Variants in HYDIN observed in about 807,000 individuals in gnomAD.
HYDIN encodes HYDIN axonemal central pair apparatus protein, also known as axonemal central pair apparatus protein HYDIN.
Under a neutral mutation model 403.9 loss-of-function variants are expected in HYDIN, and 132 were observed. That is an observed-to-expected ratio of 0.33 (90% CI 0.28 to 0.38). The LOEUF (loss-of-function observed/expected upper bound fraction) is 0.38. HYDIN is among the 10% of genes least tolerant of loss of function. The pLI, the probability that HYDIN is intolerant of heterozygous loss-of-function variation, is 1.00. For synonymous variants in HYDIN, 1,202 were observed against 1,891.7 expected (o/e 0.64, Z 9.46); for missense variants, 2,827 against 5,009.5 (o/e 0.56, Z 13.15).
At chr16:71,163,146 A>G (rs1334740260) in intron 5 of HYDIN, among the ~76,000 whole-genome samples, 3 of 137,310 alleles carry the variant, frequency 2.2e-5, no homozygotes, top group African/African-American at 8.2e-5. Context: ...TTTTTGAGAC[A>G]GAGTCTCGCT....
At chr16:70,951,004 C>T (rs1388566614) in intron 41 of HYDIN, among the ~76,000 whole-genome samples, 2 of 152,084 alleles carry the variant, frequency 1.3e-5, no homozygotes, top group Non-Finnish European at 2.9e-5. Flanking sequence ...AGAGGCAGAG[C>T]CAGGAGGATC....
chr16:71,159,698 T>A (rs2085919836), intron 6 of HYDIN, among the ~76,000 whole-genome samples: 1 of 142,922 alleles, frequency 7.0e-6, no homozygotes. Flanking sequence ...GGAACAAAGA[T>A]AAGAATCACA....
intron 50 of HYDIN, among the ~76,000 whole-genome samples, chr16:70,905,913 C>T (rs549871704): frequency 6.6e-6 from 1 of 151,962 alleles, no homozygotes; most frequent in East Asian, 1.9e-4. Context: ...AAGATCTTCT[C>T]CATCATCAGC....
At position 70,892,513 on chromosome 16, in the gene HYDIN, C is replaced by A; in HGVS notation, c.9265G>T (p.Val3089Leu). The change falls in exon 56 of 86, where the codon GTA becomes TTA. Residue 3089 changes from valine (V) to leucine (L), a missense_variant. Val to Leu is a conservative substitution (Grantham distance 32). Coordinates refer to ENST00000393567, the MANE Select transcript of HYDIN (RefSeq NM_001270974.2). Reference protein sequence around the residue: ...EIAFSFSVDSVGISTPNINSM... With the variant: ...EIAFSFSVDSLGISTPNINSM... ...TTTATATTAGGTGTTGAAATCCCTA[C>A]AGAGTCCACGGAAAAGCTGAAAGAC... 6.2e-7 allele frequency: 1 copy of A among 1,602,594 alleles called. No homozygotes were observed. Among genetic ancestry groups the A allele is most frequent in the Non-Finnish European group, 8.5e-7 (1 of 1,175,664 alleles).
At position 71,027,596 on chromosome 16, in the gene HYDIN, C is replaced by T. The variant is rs377641303; in HGVS notation, c.3042+6G>A. 23 of 1,614,040 alleles carry T rather than the reference C, an allele frequency of 1.4e-5. No individual in the cohort carries two copies. The highest frequency in any genetic ancestry group is 1.7e-4 in the Middle Eastern group (1 of 6,060). On this transcript the variant is annotated splice_donor_region_variant and intron_variant, in intron 20 of 85. Transcript: ENST00000393567. The stretch of plus-strand genomic sequence containing the variant: ...ACAATAGCTTCCAAATGTGCTATCC[C>T]CTTACCCTGGGAGTAGCAGAATAGC...
At chr16:71,034,077 C>T (rs1336038419) in intron 18 of HYDIN, among the ~76,000 whole-genome samples, 1 of 151,394 alleles carries the variant, frequency 6.6e-6, no homozygotes, top group Non-Finnish European at 1.5e-5. Flanking sequence ...TCCCAGGAAG[C>T]TTCGTGAAGC....
rs1377878685 is a variant in HYDIN, at chr16:70,868,749, C to T, written c.11131G>A (p.Val3711Met). ...ATGGGTACATCTGACTTCATGGTCA[C>T]CACTATGTCCTTGGCACACCCAGGG... is the stretch of plus-strand genomic sequence containing the variant. ...LHPGCAKDIV[V>M]TMKSDVPINL... is the part of the protein sequence containing the mutation. The change falls in exon 66 of 86, where the codon GTG (valine) becomes ATG (methionine). Residue 3711 changes from valine to methionine, a missense_variant. Coordinates refer to ENST00000393567, the MANE Select transcript of HYDIN (RefSeq NM_001270974.2). 1.9e-6 allele frequency: 3 copies of T among 1,613,976 alleles called. No homozygotes were observed. The highest frequency in any genetic ancestry group is 2.2e-5 in the East Asian group (1 of 44,862).
At chr16:70,836,362 G>A (rs1480383106) in intron 77 of HYDIN, among the ~76,000 whole-genome samples, 1 of 152,230 alleles carries the variant, frequency 6.6e-6, no homozygotes, top group Non-Finnish European at 1.5e-5. Flanking sequence ...ATTGCTGAGT[G>A]AGAAGTGGGA....
At chr16:71,189,139 A>G (rs941261905) in intron 1 of HYDIN, among the ~76,000 whole-genome samples, 2 of 152,222 alleles carry the variant, frequency 1.3e-5, no homozygotes, top group Non-Finnish European at 2.9e-5. Flanking sequence ...ATGCATGTAC[A>G]TCTGACTCAG....
At chr16:70,820,077 C>A (rs2036137933) in intron 83 of HYDIN, among the ~76,000 whole-genome samples, 1 of 149,926 alleles carries the variant, frequency 6.7e-6, no homozygotes, top group African/African-American at 2.5e-5. Context: ...GCCTCGGCCT[C>A]CCAAAGTGCT....
chr16:71,165,849 T>C (rs1300323958), intron 5 of HYDIN, among the ~76,000 whole-genome samples: 8 of 147,912 alleles, frequency 5.4e-5, no homozygotes, highest in Admixed American at 1.4e-4. Flanking sequence ...AAGTGTGATT[T>C]GGAACCTGTG....
At chr16:71,180,538 T>C (rs2086855967) in intron 3 of HYDIN, among the ~76,000 whole-genome samples, 1 of 152,078 alleles carries the variant, frequency 6.6e-6, no homozygotes, top group Non-Finnish European at 1.5e-5. Flanking sequence ...TAACCTCCTT[T>C]ATATATCTGA....
At chr16:70,810,559 C>A (rs928583552) in intron 84 of HYDIN, among the ~76,000 whole-genome samples, 1 of 152,148 alleles carries the variant, frequency 6.6e-6, no homozygotes, top group South Asian at 2.1e-4. Context: ...GGGCCTGGTG[C>A]GGTGGCTCAT....
chr16:71,182,363 A>C (rs1258565260), intron 3 of HYDIN, among the ~76,000 whole-genome samples: 1 of 152,136 alleles, frequency 6.6e-6, no homozygotes, highest in Non-Finnish European at 1.5e-5. Context: ...AGATGGAAGC[A>C]GGGAGGCAAT....
chr16:71,087,172 C>T (rs1467403970), intron 12 of HYDIN, among the ~76,000 whole-genome samples: 1 of 152,076 alleles, frequency 6.6e-6, no homozygotes. Flanking sequence ...GCCACAGAAC[C>T]CTTGAGGCAC....
At chr16:71,118,023 A>G (rs1267229650) in intron 9 of HYDIN, among the ~76,000 whole-genome samples, 1 of 152,082 alleles carries the variant, frequency 6.6e-6, no homozygotes, top group African/African-American at 2.4e-5. Context: ...TGTCACCTCA[A>G]AAGTTAGAAA....
intron 10 of HYDIN, among the ~76,000 whole-genome samples, chr16:71,109,675 T>A (rs1443614282): frequency 7.3e-6 from 1 of 136,666 alleles, no homozygotes; most frequent in Non-Finnish European, 1.5e-5. Flanking sequence ...AATAATCCAC[T>A]AACAAAATAC....
intron 46 of HYDIN, among the ~76,000 whole-genome samples, chr16:70,920,279 T>C (rs1232663227): frequency 8.5e-6 from 1 of 117,664 alleles, no homozygotes; most frequent in Non-Finnish European, 1.7e-5. Flanking sequence ...ATGGGTCTCC[T>C]GCTTCACCCC....
At position 70,943,911 on chromosome 16, in the gene HYDIN, G is replaced by T; in HGVS notation, c.6570C>A (p.Arg2190=). The change falls in exon 42 of 86, where the codon CGC becomes CGA. Residue 2190 remains arginine (R), a synonymous_variant. Coordinates refer to ENST00000393567, the MANE Select transcript of HYDIN (RefSeq NM_001270974.2). ...SSPLPPGPIH[R]WLSVSPSVGG... ...CGACACTGGGACTAACACTGAGCCA[G>T]CGGTGGATGGGCCCCGGGGGGAGAG... The T allele has an allele frequency of 6.2e-7, 1 of 1,613,484 alleles. No individual in the cohort carries two copies. The highest frequency in any genetic ancestry group is 8.5e-7 in the Non-Finnish European group (1 of 1,179,874).
Sources: gnomAD v4.1 joint callset for allele counts (sites outside exome capture counted in the v4.1 genomes callset) on GRCh38, gnomAD v4.1.1 for gene constraint, MANE v1.5 for transcripts, NCBI Gene and HGNC (gene_info 2026-07-23, HGNC 2026-07-21) for gene names.